C1orf210: variants seen among roughly 807,000 people sequenced by gnomAD.
C1orf210 encodes type III endosome membrane protein TEMP.
In C1orf210, 3 loss-of-function variants were observed where a neutral mutation model predicts 3.7. The ratio of observed to expected loss-of-function variants is 0.81; its 90% CI spans 0.37 to 2.08. C1orf210 has a LOEUF of 2.08. C1orf210 is among the 30% of genes most tolerant of loss of function. The pLI, the probability that C1orf210 is intolerant of heterozygous loss-of-function variation, is 0.06. For synonymous variants in C1orf210, 62 were observed against 61.7 expected, an observed-to-expected ratio of 1.00 and a Z score of -0.02; for missense variants, 143 against 147.7, an observed-to-expected ratio of 0.97 and a Z score of 0.17.
In C1orf210 at chr1:43,282,975, G is replaced by A. The variant is rs1350534622; in HGVS notation, c.152C>T (p.Ala51Val). The change falls in exon 3 of 3, where the codon GCT (alanine) becomes GTT (valine). Residue 51 changes from alanine (A) to valine (V), a missense_variant. Transcript: ENST00000523677. The stretch of plus-strand genomic sequence containing the variant: ...TCGGCGGCAGAGGTGGCATTTGGCA[G>A]CAAGTGCAATGAGGAGCGAGAGGAC... ...AVVLSLLIAL[A>V]AKCHLCRRYH... 3 of 1,614,152 alleles carry A rather than the reference G, an allele frequency of 1.9e-6. No individual in the cohort carries two copies. The South Asian group carries it at 3.3e-5, about 18-fold the overall frequency.
At chr1:43,284,162 C>T (rs911196133) in intron 1 of C1orf210, among the ~76,000 whole-genome samples, 2 of 152,102 alleles carry the variant, frequency 1.3e-5, no homozygotes, top group African/African-American at 4.8e-5. Flanking sequence ...GGAAGATCAT[C>T]CAGGCATGGA....
chr1:43,283,341 G>C lies in C1orf210; in HGVS notation c.-71C>G. ...AGCCCTGGCTCTGAGGAGGCCCCCA[G>C]ATGCCAGGCAGCCCCAGGGCACAAG... On this transcript the variant is annotated 5_prime_UTR_variant, in exon 2 of 3. It adds an upstream start codon to the 5' untranslated region. Transcript: ENST00000523677. 1 of 1,588,042 alleles carries C rather than the reference G, an allele frequency of 6.3e-7. No individual in the cohort carries two copies. The highest frequency in any genetic ancestry group is 8.6e-7 in the Non-Finnish European group (1 of 1,168,410).
chr1:43,283,811 T>C (rs1646561829), intron 1 of C1orf210, among the ~76,000 whole-genome samples: 2 of 152,104 alleles, frequency 1.3e-5, no homozygotes, highest in Admixed American at 1.3e-4. Context: ...GGGTCCTGGC[T>C]CCCGAAGGTC....
intron 1 of C1orf210, among the ~76,000 whole-genome samples, chr1:43,285,223 G>C (rs943962785): frequency 1.3e-5 from 2 of 152,090 alleles, no homozygotes; most frequent in African/African-American, 4.8e-5. Context: ...TCAATTTGAC[G>C]TTTCTAAGGT....
upstream of C1orf210, among the ~76,000 whole-genome samples, chr1:43,285,786 C>G (rs1174310027): frequency 6.6e-6 from 1 of 152,230 alleles, no homozygotes; most frequent in Non-Finnish European, 1.5e-5. Context: ...CACCCTCACC[C>G]CCCAATGCTT....
Position 43,282,666 on chromosome 1 carries a change from C to T in C1orf210, c.*119G>A. The T allele has an allele frequency of 9.8e-7, 1 of 1,025,446 alleles. No homozygotes were observed. Among genetic ancestry groups the T allele is most frequent in the African/African-American group, 1.6e-5 (1 of 62,106 alleles). 63.5% of individuals were successfully genotyped at this position (1,025,446 alleles called of 1,614,324 possible). On this transcript the variant is annotated 3_prime_UTR_variant, in exon 3 of 3. Transcript: ENST00000523677. ...TCAGGGAAGTGGGGTTTACTCCATC[C>T]CTGGCCAACCTTTAAGCCCCAGCCA...
intron 1 of C1orf210, among the ~76,000 whole-genome samples, chr1:43,285,174 G>A (rs1440333794): frequency 1.3e-5 from 2 of 152,136 alleles, no homozygotes; most frequent in Admixed American, 6.5e-5. Flanking sequence ...TACTAGGTCC[G>A]CAAAACATGA....
intron 1 of C1orf210, among the ~76,000 whole-genome samples, chr1:43,284,221 G>A (rs552497961): frequency 7.9e-5 from 12 of 152,200 alleles, no homozygotes; most frequent in South Asian, 2.1e-4. Context: ...TGGAGGAGGC[G>A]CACCTGAATC....
rs933527399 is a variant in C1orf210 at position 43,282,236 on chromosome 1, C to G, written c.*549G>C. The G allele has an allele frequency of 6.6e-6, 1 of 151,850 alleles. No individual in the cohort carries two copies. The highest frequency in any genetic ancestry group is 1.5e-5 in the Non-Finnish European group (1 of 68,346). 9.4% of individuals were successfully genotyped at this position (151,850 alleles called of 1,614,324 possible). ...GCCAAGATGTGCCATTGCACTCCAG[C>G]CTGGGCAACAGAGTGAGACTCCGTC... On this transcript the variant is annotated 3_prime_UTR_variant, in exon 3 of 3. Coordinates refer to ENST00000523677, the MANE Select transcript of C1orf210 (RefSeq NM_182517.3).
chr1:43,283,245 C>A lies in C1orf210; in HGVS notation c.19+7G>T, dbSNP rs534929390. Reference sequence around the variant, plus strand: ...CCCACCCCCATCATCCTCCCACTGTCACTCACTTTTGTTTGTCTCATTCAT... The same window carrying A: ...CCCACCCCCATCATCCTCCCACTGTAACTCACTTTTGTTTGTCTCATTCAT... On this transcript the variant is annotated splice_region_variant and intron_variant, in intron 2 of 2. Coordinates refer to ENST00000523677, the MANE Select transcript of C1orf210 (RefSeq NM_182517.3). 1.2e-6 allele frequency: 2 copies of A among 1,613,754 alleles called. No homozygotes were observed. Among genetic ancestry groups the A allele is most frequent in the African/African-American group, 2.7e-5 (2 of 75,066 alleles).
Position 43,283,053 on chromosome 1 carries a change from C to T in C1orf210, c.74G>A (p.Gly25Asp). 1 of 1,614,110 alleles carries T rather than the reference C, an allele frequency of 6.2e-7. No individual in the cohort carries two copies. The change falls in exon 3 of 3, where the codon GGC (glycine) becomes GAC (aspartate). Residue 25 changes from glycine (G) to aspartate (D), a missense_variant. Physicochemically the swap from Gly to Asp is moderately conservative, Grantham distance 94. Coordinates refer to ENST00000523677, the MANE Select transcript of C1orf210 (RefSeq NM_182517.3). ...CACAGGCCATGCCCGAGCCCCAGTG[C>T]CTGGGCCAGGGGCCACAGCAGACGC... is the stretch of plus-strand genomic sequence containing the variant. ...PTASAVAPGP[G>D]TGARAWPVLV...
Position 43,283,329 on chromosome 1 carries a change from A to G in C1orf210, c.-59T>C. On this transcript the variant is annotated 5_prime_UTR_variant, in exon 2 of 3. Coordinates refer to ENST00000523677, the MANE Select transcript of C1orf210 (RefSeq NM_182517.3). Reference sequence around the variant, plus strand: ...TCAACCAGAAAGAGCCCTGGCTCTGAGGAGGCCCCCAGATGCCAGGCAGCC... The same window carrying G: ...TCAACCAGAAAGAGCCCTGGCTCTGGGGAGGCCCCCAGATGCCAGGCAGCC... The G allele has an allele frequency of 6.3e-7, 1 of 1,597,432 alleles. No individual in the cohort carries two copies.
chr1:43,284,208 G>A (rs1365207217), intron 1 of C1orf210, among the ~76,000 whole-genome samples: 1 of 152,126 alleles, frequency 6.6e-6, no homozygotes, highest in African/African-American at 2.4e-5. Flanking sequence ...TCAAAGGAGT[G>A]TCTGGAGGAG....
chr1:43,282,865 C>A lies in C1orf210; in HGVS notation c.262G>T (p.Gly88Cys), dbSNP rs938122830. 1.2e-6 allele frequency: 2 copies of A among 1,614,146 alleles called. No homozygotes were observed. The highest frequency in any genetic ancestry group is 1.7e-6 in the Non-Finnish European group (2 of 1,180,000). The change falls in exon 3 of 3, where the codon GGC (glycine) becomes TGC (cysteine). Residue 88 changes from glycine (G) to cysteine (C), a missense_variant. Coordinates refer to ENST00000523677, the MANE Select transcript of C1orf210 (RefSeq NM_182517.3). ...PQVAEDEDDDGFIEDNYIQPG... is the reference protein window; with the variant it reads ...PQVAEDEDDDCFIEDNYIQPG... ...TGAATGTAATTGTCCTCGATGAAGC[C>A]ATCATCATCCTCATCTTCAGCCACC...
At position 43,282,710 on chromosome 1, in the gene C1orf210, A is replaced by G; in HGVS notation, c.*75T>C. ...CCAGCCACCTCTGTCCCTGAGGTTCAAGGCCCCCATGTCATAACCACTGTC... is the reference window on the plus strand; with the variant it reads ...CCAGCCACCTCTGTCCCTGAGGTTCGAGGCCCCCATGTCATAACCACTGTC... On this transcript the variant is annotated 3_prime_UTR_variant, in exon 3 of 3. Coordinates refer to ENST00000523677, the MANE Select transcript of C1orf210 (RefSeq NM_182517.3). 1.4e-6 allele frequency: 2 copies of G among 1,420,366 alleles called. No individual in the cohort carries two copies. The highest frequency in any genetic ancestry group is 1.9e-6 in the Non-Finnish European group (2 of 1,041,570). The allele number at this position is 1,420,366 out of a possible 1,614,324, so 88.0% of individuals were successfully genotyped here.
At position 43,282,182 on chromosome 1, in the gene C1orf210, T is replaced by G. The variant is rs1428976036; in HGVS notation, c.*603A>C. 1 of 152,222 alleles carries G rather than the reference T, an allele frequency of 6.6e-6. No individual in the cohort carries two copies. The highest frequency in any genetic ancestry group is 1.9e-4 in the East Asian group (1 of 5,162). 9.4% of individuals were successfully genotyped at this position (152,222 alleles called of 1,614,324 possible). On this transcript the variant is annotated 3_prime_UTR_variant, in exon 3 of 3. Transcript: ENST00000523677. ...CAGGAGGCTGAAGCAGGAGAATCGC[T>G]TGAACCCAGGAGGCGGAGGTTGCAG... is the stretch of plus-strand genomic sequence containing the variant.
Position 43,283,264 on chromosome 1 carries a change from C to G in C1orf210, c.7G>C (p.Glu3Gln). ...CACTGTCACTCACTTTTGTTTGTCT[C>G]ATTCATGGAGGGGCCTGATGACACC... MNETNKTLVGPSE... is the reference protein window; with the variant it reads MNQTNKTLVGPSE... The change falls in exon 2 of 3, where the codon GAG becomes CAG. Residue 3 changes from glutamate to glutamine, a missense_variant. Transcript: ENST00000523677. 6.2e-7 allele frequency: 1 copy of G among 1,614,106 alleles called. No homozygotes were observed. Among genetic ancestry groups the G allele is most frequent in the South Asian group, 1.1e-5 (1 of 91,074 alleles).
Position 43,283,078 on chromosome 1 carries a change from C to T in C1orf210, c.49G>A (p.Ala17Thr). 6.2e-7 allele frequency: 1 copy of T among 1,613,734 alleles called. No homozygotes were observed. The highest frequency in any genetic ancestry group is 8.5e-7 in the Non-Finnish European group (1 of 1,179,782). The stretch of plus-strand genomic sequence containing the variant: ...CCTGGGCCAGGGGCCACAGCAGACG[C>T]TGTGGGGAGCTCCGAAGGCCCAACA... ...TLVGPSELPT[A>T]SAVAPGPGTG... Residue 17 changes from alanine to threonine, a missense_variant, in exon 3 of 3, where the codon GCG (alanine) becomes ACG (threonine). Transcript: ENST00000523677.
chr1:43,283,274 G>A lies in C1orf210; in HGVS notation c.-4C>T. The A allele has an allele frequency of 6.2e-7, 1 of 1,614,034 alleles. No individual in the cohort carries two copies. Among genetic ancestry groups the A allele is most frequent in the Non-Finnish European group, 8.5e-7 (1 of 1,179,968 alleles). ...CACTTTTGTTTGTCTCATTCATGGA[G>A]GGGCCTGATGACACCAGTGAGTCTC... On this transcript the variant is annotated 5_prime_UTR_variant, in exon 2 of 3. Coordinates refer to ENST00000523677, the MANE Select transcript of C1orf210 (RefSeq NM_182517.3).
Sources: allele counts gnomAD v4.1 joint callset (sites outside exome capture counted in the v4.1 genomes callset), GRCh38; gene constraint gnomAD v4.1.1; transcripts MANE v1.5; gene names NCBI Gene and HGNC (gene_info 2026-07-23, HGNC 2026-07-21).